The following MOSMO variants were observed in gnomAD, a reference collection of about 807,000 sequenced individuals.
MOSMO encodes the protein modulator of smoothened.
MOSMO carries 5 observed loss-of-function variants against 18.4 expected under a neutral mutation model. The ratio of observed to expected loss-of-function variants is 0.27; its 90% CI spans 0.14 to 0.57. The LOEUF is 0.57. Among genes scored for constraint, MOSMO ranks in the 20% least tolerant of loss-of-function variants. MOSMO has a pLI of 0.92. For synonymous variants in MOSMO, 82 were observed against 82.3 expected (o/e 1.00, Z 0.02); for missense variants, 138 against 211.8 (o/e 0.65, Z 2.16).
intron 1 of MOSMO, among the ~76,000 whole-genome samples, chr16:22,024,700 A>G (rs564421261): frequency 6.6e-6 from 1 of 152,308 alleles, no homozygotes; most frequent in South Asian, 2.1e-4. Flanking sequence ...TTATGATACA[A>G]TAATTTTCTT....
At position 22,062,599 on chromosome 16, in the gene MOSMO, T is replaced by C. The variant is rs958150729; in HGVS notation, c.107-12888T>C. Among the ~76,000 whole-genome samples the C allele has an allele frequency of 2.0e-5, 3 of 152,324 alleles. No homozygotes were observed. The East Asian group carries it at 5.8e-4, about 29-fold the overall frequency. On this transcript the variant is annotated intron_variant, in intron 1 of 2. Transcript: ENST00000542527. Reference sequence around the variant, plus strand: ...TCCCAAAGGGCTGGGATTACAGATGTGAGCTGAGCCATAGCACCTGGCCTA... The same window carrying C: ...TCCCAAAGGGCTGGGATTACAGATGCGAGCTGAGCCATAGCACCTGGCCTA...
intron 1 of MOSMO, among the ~76,000 whole-genome samples, chr16:22,070,019 G>A (rs1900817771): frequency 6.6e-6 from 1 of 152,196 alleles, no homozygotes. Flanking sequence ...TTGTGAGAAT[G>A]AAAGAATGAA....
chr16:22,019,070 T>G (rs550076563), intron 1 of MOSMO, among the ~76,000 whole-genome samples: 80 of 152,332 alleles, frequency 5.3e-4, no homozygotes, highest in African/African-American at 1.9e-3. Context: ...GACAGCCTCA[T>G]GAAAATACAG....
chr16:22,019,541 G>A (rs780546971), intron 1 of MOSMO, among the ~76,000 whole-genome samples: 5 of 152,054 alleles, frequency 3.3e-5, no homozygotes, highest in Non-Finnish European at 7.4e-5. Context: ...TAATTTTTTT[G>A]TAGTATAGAT....
At chr16:22,030,999 G>T (rs1331811600) in intron 1 of MOSMO, among the ~76,000 whole-genome samples, 1 of 152,174 alleles carries the variant, frequency 6.6e-6, no homozygotes, top group Non-Finnish European at 1.5e-5. Flanking sequence ...TTAAACAGTT[G>T]ACCGGAAGTC....
At chr16:22,075,426 A>T in intron 1 of MOSMO, 61 bp from the exon 2 acceptor site, 1 of 1,146,482 alleles carries the variant, frequency 8.7e-7, no homozygotes, top group Non-Finnish European at 1.2e-6. Flanking sequence ...GGTGGTGGTG[A>T]GGAATATTCC....
intron 1 of MOSMO, among the ~76,000 whole-genome samples, chr16:22,053,598 T>C (rs985534121): frequency 1.3e-5 from 2 of 151,898 alleles, no homozygotes; most frequent in Non-Finnish European, 2.9e-5. Flanking sequence ...AGGTCAGGAG[T>C]TCGAGACCAG....
intron 1 of MOSMO, among the ~76,000 whole-genome samples, chr16:22,066,027 A>G (rs923823065): frequency 2.0e-5 from 3 of 152,206 alleles, no homozygotes; most frequent in Admixed American, 6.5e-5. Flanking sequence ...GGCAGTTTCA[A>G]TTGTGCTAAT....
At chr16:22,055,587 C>G (rs1009456710) in intron 1 of MOSMO, among the ~76,000 whole-genome samples, 2 of 152,200 alleles carry the variant, frequency 1.3e-5, no homozygotes, top group African/African-American at 4.8e-5. Context: ...GAGGCAAATA[C>G]AAGTGACACC....
chr16:22,077,542 A>G (rs913294075), intron 2 of MOSMO, among the ~76,000 whole-genome samples: 2 of 152,086 alleles, frequency 1.3e-5, no homozygotes, highest in African/African-American at 4.8e-5. Flanking sequence ...GGGGTTTCCT[A>G]CTAGAGGTAT....
chr16:22,080,601 A>G (rs1901060012), intron 2 of MOSMO, 95 bp from the exon 3 acceptor site: 2 of 755,902 alleles, frequency 2.6e-6, no homozygotes, highest in Non-Finnish European at 2.0e-6. Context: ...AGGTTTGGCC[A>G]GCCCTTCTTA....
At chr16:22,053,610 C>G (rs1900473248) in intron 1 of MOSMO, among the ~76,000 whole-genome samples, 1 of 152,094 alleles carries the variant, frequency 6.6e-6, no homozygotes, top group Non-Finnish European at 1.5e-5. Flanking sequence ...CGAGACCAGC[C>G]TGGCCAACAT....
At chr16:22,039,041 A>G (rs1380384862) in intron 1 of MOSMO, among the ~76,000 whole-genome samples, 1 of 152,220 alleles carries the variant, frequency 6.6e-6, no homozygotes, top group African/African-American at 2.4e-5. Flanking sequence ...CAGTTTCCTA[A>G]TAATCATACT....
Position 22,075,654 on chromosome 16 carries a change from C to A in MOSMO, c.274C>A (p.Arg92=). Residue 92 remains arginine, a synonymous_variant, in exon 2 of 3, where the codon CGA becomes AGA. Coordinates refer to ENST00000542527, the MANE Select transcript of MOSMO (RefSeq NM_001164579.2). ...TGGTTTGCTGGTGGCTTCCCACTGG[C>A]GAAGAGAAGCTACAAAATATGCTCG... The part of the protein sequence containing the change: ...TCGLLVASHW[R]REATKYARWI... 2.0e-6 allele frequency: 3 copies of A among 1,537,240 alleles called. No individual in the cohort carries two copies. Among genetic ancestry groups the A allele is most frequent in the Non-Finnish European group, 2.6e-6 (3 of 1,146,892 alleles).
At chr16:22,092,557 C>A in the MOSMO span, 2 of 1,531,450 alleles carry the variant, frequency 1.3e-6, no homozygotes, top group Admixed American at 4.0e-5. Flanking sequence ...CTTGGAGGAG[C>A]TTGGAGAAAC....
intron 1 of MOSMO, among the ~76,000 whole-genome samples, chr16:22,009,856 G>A (rs1207403889): frequency 6.7e-6 from 1 of 149,902 alleles, no homozygotes; most frequent in East Asian, 2.0e-4. Context: ...GCCGGGCATG[G>A]TGGCGTGCAC....
chr16:22,041,143 A>T (rs1900202962), intron 1 of MOSMO, among the ~76,000 whole-genome samples: 1 of 152,194 alleles, frequency 6.6e-6, no homozygotes, highest in South Asian at 2.1e-4. Context: ...TAAATACAGT[A>T]ATGAAGTGAA....
At chr16:22,078,491 G>A (rs1228593123) in intron 2 of MOSMO, among the ~76,000 whole-genome samples, 1 of 152,120 alleles carries the variant, frequency 6.6e-6, no homozygotes, top group Non-Finnish European at 1.5e-5. Flanking sequence ...TCTTGAAAAT[G>A]TTAAACTCTT....
chr16:22,034,341 A>C (rs1431026692), intron 1 of MOSMO, among the ~76,000 whole-genome samples: 1 of 152,204 alleles, frequency 6.6e-6, no homozygotes, highest in Non-Finnish European at 1.5e-5. Flanking sequence ...TTTCTGACTG[A>C]AATCATTTTC....
Sources: allele counts gnomAD v4.1 joint callset (sites outside exome capture counted in the v4.1 genomes callset), GRCh38; gene constraint gnomAD v4.1.1; transcripts MANE v1.5; gene names NCBI Gene and HGNC (gene_info 2026-07-23, HGNC 2026-07-21).